The following SLC31A1 variants were observed in gnomAD, a reference collection of about 807,000 sequenced individuals.
SLC31A1 encodes the protein high affinity copper uptake protein 1.
A neutral mutation model predicts 17.2 loss-of-function variants in SLC31A1; 5 were observed. That is an observed-to-expected ratio of 0.29 (90% CI 0.15 to 0.61). SLC31A1 has a LOEUF of 0.61. SLC31A1 is among the 20% of genes least tolerant of loss of function. The pLI is 0.86. For synonymous variants in SLC31A1, 76 were observed against 78.8 expected, an observed-to-expected ratio of 0.96 and a Z score of 0.19; for missense variants, 161 against 241.4, an observed-to-expected ratio of 0.67 and a Z score of 2.21.
intron 1 of SLC31A1, among the ~76,000 whole-genome samples, chr9:113,238,081 T>C (rs2118993642): frequency 6.6e-6 from 1 of 152,334 alleles, no homozygotes; most frequent in East Asian, 1.9e-4. Flanking sequence ...TTGAATCATA[T>C]AGTAACCCTG....
intron 1 of SLC31A1, among the ~76,000 whole-genome samples, chr9:113,240,734 C>A (rs1831512111): frequency 6.6e-6 from 1 of 152,016 alleles, no homozygotes; most frequent in Non-Finnish European, 1.5e-5. Flanking sequence ...CCTGAAAACG[C>A]ATACAAATGT....
At chr9:113,234,187 T>A (rs1353994173) in intron 1 of SLC31A1, among the ~76,000 whole-genome samples, 1 of 151,954 alleles carries the variant, frequency 6.6e-6, no homozygotes, top group East Asian at 1.9e-4. Flanking sequence ...GCAATATTTG[T>A]CTTTTTGTTT....
At position 113,261,811 on chromosome 9, in the gene SLC31A1, TTGCCTGG is replaced by T. The variant is rs1831796319; in HGVS notation, c.*1341_*1347del. On this transcript the variant is annotated 3_prime_UTR_variant, in exon 5 of 5. Coordinates refer to ENST00000374212, the MANE Select transcript of SLC31A1 (RefSeq NM_001859.4). ...ATCTGTGCTTTAAGCTAAGGAAATA[TTGCCTGG>T]TGGGTTGGCTGCCTGGTATTGGGCA... 1 of 152,604 alleles carries T rather than the reference TTGCCTGG, an allele frequency of 6.6e-6. No homozygotes were observed. Among genetic ancestry groups the T allele is most frequent in the Non-Finnish European group, 1.5e-5 (1 of 68,030 alleles). 9.5% of individuals were successfully genotyped at this position (152,604 alleles called of 1,614,324 possible). A position where few individuals can be genotyped will look rare whatever the true frequency, so the allele number is the denominator to read the frequency against.
intron 1 of SLC31A1, among the ~76,000 whole-genome samples, chr9:113,247,480 A>G (rs1461679361): frequency 6.6e-6 from 1 of 152,192 alleles, no homozygotes; most frequent in Non-Finnish European, 1.5e-5. Context: ...CCATAGAAAT[A>G]AGGCCAATAC....
intron 1 of SLC31A1, among the ~76,000 whole-genome samples, chr9:113,226,015 T>G (rs1351000968): frequency 1.3e-5 from 2 of 151,748 alleles, no homozygotes; most frequent in African/African-American, 4.8e-5. Flanking sequence ...GCACCTGTAG[T>G]CCCAGCTACT....
At chr9:113,234,385 C>T (rs377262607) in intron 1 of SLC31A1, among the ~76,000 whole-genome samples, 14 of 151,222 alleles carry the variant, frequency 9.3e-5, no homozygotes, top group Non-Finnish European at 1.5e-4. Context: ...CCATGTTGGC[C>T]AGGCTGGTCT....
At chr9:113,226,097 C>T (rs1831338379) in intron 1 of SLC31A1, among the ~76,000 whole-genome samples, 2 of 150,380 alleles carry the variant, frequency 1.3e-5, no homozygotes, top group Admixed American at 6.6e-5. Flanking sequence ...GGTCACGCCA[C>T]TGTGCGCCAA....
At chr9:113,243,226 C>A (rs1189196402) in intron 1 of SLC31A1, among the ~76,000 whole-genome samples, 1 of 152,184 alleles carries the variant, frequency 6.6e-6, no homozygotes, top group African/African-American at 2.4e-5. Flanking sequence ...CACATTTAAA[C>A]TAATTCTTTG....
In SLC31A1 at chr9:113,258,608, CTA is replaced by C. The variant is rs1831753852; in HGVS notation, c.203-84_203-83del. On this transcript the variant is annotated intron_variant, in intron 3 of 4. Coordinates refer to ENST00000374212, the MANE Select transcript of SLC31A1 (RefSeq NM_001859.4). This position sits in a 1 kb window ranked among gnomAD's most constrained non-coding sequence, Gnocchi z 4.8. The stretch of plus-strand genomic sequence containing the variant: ...TCAAAAGCTGAGAGTAGCATTTTTT[CTA>C]TGTGTCTTTCTAGCTGGACAGCACA... 4.9e-6 allele frequency: 7 copies of C among 1,438,926 alleles called. No homozygotes were observed. Among genetic ancestry groups the C allele is most frequent in the South Asian group, 1.2e-5 (1 of 86,886 alleles). The allele number at this position is 1,438,926 out of a possible 1,614,324, so 89.1% of individuals were successfully genotyped here. A position where few individuals can be genotyped will look rare whatever the true frequency, so the allele number is the denominator to read the frequency against.
At chr9:113,223,323 C>T in intron 1 of SLC31A1, 1 of 342,278 alleles carries the variant, frequency 2.9e-6, no homozygotes, top group Non-Finnish European at 5.6e-6. Flanking sequence ...GGACTGGGTG[C>T]ACCTAAAAAA....
chr9:113,244,659 C>T (rs1831557335), intron 1 of SLC31A1, among the ~76,000 whole-genome samples: 1 of 152,144 alleles, frequency 6.6e-6, no homozygotes, highest in African/African-American at 2.4e-5. Context: ...TAGATGATCC[C>T]TTGGAGTTAT....
chr9:113,228,622 A>T (rs1831367752), intron 1 of SLC31A1, among the ~76,000 whole-genome samples: 1 of 152,318 alleles, frequency 6.6e-6, no homozygotes, highest in South Asian at 2.1e-4. Flanking sequence ...GTTATTTGCC[A>T]CCAGAACAGG....
Position 113,247,295 on chromosome 9 carries a change from A to G in SLC31A1, c.-35-8819A>G, listed in dbSNP as rs140927497. On this transcript the variant is annotated intron_variant, in intron 1 of 4. Coordinates refer to ENST00000374212, the MANE Select transcript of SLC31A1 (RefSeq NM_001859.4). Reference sequence around the variant, plus strand: ...AAGAAAAAAGACTTTCTTCCTTATCATGGAAGCCAGGAAAGACAGGCAGGC... The same window carrying G: ...AAGAAAAAAGACTTTCTTCCTTATCGTGGAAGCCAGGAAAGACAGGCAGGC... Among the ~76,000 whole-genome samples the G allele has an allele frequency of 5.8e-4, 89 of 152,310 alleles. 6 individuals carry two copies. The East Asian group carries it at 0.017, about 29-fold the overall frequency.
chr9:113,256,483 C>A, intron 2 of SLC31A1: 15 of 491,662 alleles, frequency 3.1e-5, no homozygotes, highest in Non-Finnish European at 4.7e-5. Flanking sequence ...AGATTTTAGG[C>A]TTCTTTCTTT....
intron 1 of SLC31A1, among the ~76,000 whole-genome samples, chr9:113,236,090 C>A (rs1230499168): frequency 6.6e-6 from 1 of 152,156 alleles, no homozygotes; most frequent in Non-Finnish European, 1.5e-5. Context: ...CAAGTTCAAG[C>A]AATTCTCGTG....
At chr9:113,227,518 T>C (rs1195058135) in intron 1 of SLC31A1, 1 of 152,194 alleles carries the variant, frequency 6.6e-6, no homozygotes, top group African/African-American at 2.4e-5. Flanking sequence ...CCTCTTAGAG[T>C]GCTGGGATTA....
intron 1 of SLC31A1, among the ~76,000 whole-genome samples, chr9:113,230,941 T>G (rs905431355): frequency 6.6e-6 from 1 of 152,156 alleles, no homozygotes; most frequent in South Asian, 2.1e-4. Flanking sequence ...AATAGCAAGT[T>G]TAAGCCAGAG....
chr9:113,223,131 C>A, intron 1 of SLC31A1: 3 of 332,090 alleles, frequency 9.0e-6, no homozygotes, highest in Admixed American at 3.4e-5. Context: ...CTGATTTTAT[C>A]CTGGATGTTT....
At chr9:113,225,534 A>G (rs1831330700) in intron 1 of SLC31A1, among the ~76,000 whole-genome samples, 1 of 152,224 alleles carries the variant, frequency 6.6e-6, no homozygotes, top group Non-Finnish European at 1.5e-5. Flanking sequence ...AAGGCATGGT[A>G]AACACCACTT....
Sources: allele counts gnomAD v4.1 joint callset (sites outside exome capture counted in the v4.1 genomes callset), GRCh38; gene constraint gnomAD v4.1.1; non-coding constraint Gnocchi (gnomAD v3.1); transcripts MANE v1.5; gene names NCBI Gene and HGNC (gene_info 2026-07-23, HGNC 2026-07-21).